Variants in NCAM2 observed in about 807,000 individuals in gnomAD.
NCAM2 encodes the protein N-CAM-2.
NCAM2 carries 30 observed loss-of-function variants against 98.1 expected under a neutral mutation model. The ratio of observed to expected loss-of-function variants is 0.31; its 90% CI spans 0.23 to 0.41. The LOEUF (loss-of-function observed/expected upper bound fraction) is 0.41, where lower values mean the gene tolerates loss of function less well. Among genes scored for constraint, NCAM2 ranks in the 10% least tolerant of loss-of-function variants. The pLI is 1.00. For synonymous variants in NCAM2, 368 were observed against 342.4 expected, an observed-to-expected ratio of 1.07 and a Z score of -0.83; for missense variants, 867 against 1,005.8, an observed-to-expected ratio of 0.86 and a Z score of 1.87.
intron 1 of NCAM2, among the ~76,000 whole-genome samples, chr21:21,138,880 T>C (rs747697990): frequency 6.6e-6 from 1 of 152,294 alleles, no homozygotes; most frequent in Non-Finnish European, 1.5e-5. Context: ...AATGTAGTCA[T>C]TGAAGTAATT....
intron 1 of NCAM2, among the ~76,000 whole-genome samples, chr21:21,063,499 G>T (rs1338892009): frequency 1.3e-5 from 2 of 151,876 alleles, no homozygotes; most frequent in African/African-American, 4.8e-5. Context: ...GGGATTACAG[G>T]CATGAGCCAC....
At chr21:21,110,137 A>G (rs558354250) in intron 1 of NCAM2, among the ~76,000 whole-genome samples, 1 of 152,318 alleles carries the variant, frequency 6.6e-6, no homozygotes, top group East Asian at 1.9e-4. Flanking sequence ...CATTAGGGGA[A>G]CTTACATACA....
chr21:21,067,567 A>G (rs2065466470), intron 1 of NCAM2, among the ~76,000 whole-genome samples: 1 of 152,164 alleles, frequency 6.6e-6, no homozygotes, highest in Non-Finnish European at 1.5e-5. Flanking sequence ...ATATTATGCA[A>G]TACATTCTAT....
intron 1 of NCAM2, among the ~76,000 whole-genome samples, chr21:21,202,884 T>G (rs1033846575): frequency 2.0e-5 from 3 of 152,158 alleles, no homozygotes; most frequent in African/African-American, 7.2e-5. Context: ...ATATTATCAA[T>G]GTAGGATGGA....
At chr21:21,464,983 A>G (rs1232609570) in intron 12 of NCAM2, among the ~76,000 whole-genome samples, 1 of 152,194 alleles carries the variant, frequency 6.6e-6, no homozygotes, top group East Asian at 1.9e-4. Flanking sequence ...GAAATAATGT[A>G]TTATAATCTG....
chr21:21,274,836 G>C (rs367902292), intron 1 of NCAM2, among the ~76,000 whole-genome samples: 2 of 152,144 alleles, frequency 1.3e-5, no homozygotes, highest in Admixed American at 6.5e-5. Flanking sequence ...AACCAAAGCA[G>C]GCTCTGTGTC....
chr21:21,083,231 CTGAA>C (rs1269581172), intron 1 of NCAM2, among the ~76,000 whole-genome samples: 1 of 152,096 alleles, frequency 6.6e-6, no homozygotes. Context: ...GGATAGATGA[CTGAA>C]TGAATGAATA....
At chr21:21,243,594 C>T (rs1386242751) in intron 1 of NCAM2, among the ~76,000 whole-genome samples, 1 of 152,154 alleles carries the variant, frequency 6.6e-6, no homozygotes, top group African/African-American at 2.4e-5. Flanking sequence ...ACACCTGGTT[C>T]TGATAGTTGT....
intron 5 of NCAM2, among the ~76,000 whole-genome samples, chr21:21,297,654 G>A (rs2073536745): frequency 6.6e-6 from 1 of 151,300 alleles, no homozygotes; most frequent in Admixed American, 6.6e-5. Context: ...GATTAATATT[G>A]TCTCTCTTAC....
In NCAM2 at chr21:21,410,469, C is replaced by T. The variant is rs550123991; in HGVS notation, c.1383+8C>T. On this transcript the variant is annotated splice_region_variant and intron_variant, in intron 10 of 17. Transcript: ENST00000400546. ...AGAAAGATGATATTAGAGGTAAGTC[C>T]ACATGTATACATCAATAAATTGTAT... 1.6e-4 allele frequency: 234 copies of T among 1,445,066 alleles called. 2 individuals are homozygous for T. In the South Asian group the frequency reaches 2.8e-3, roughly 17 times the overall value. The allele number at this position is 1,445,066 out of a possible 1,614,324, so 89.5% of individuals were successfully genotyped here. A position where few individuals can be genotyped will look rare whatever the true frequency, so the allele number is the denominator to read the frequency against.
At position 21,294,840 on chromosome 21, in the gene NCAM2, T is replaced by C. The variant is rs191435876; in HGVS notation, c.619+2599T>C. On this transcript the variant is annotated intron_variant, in intron 5 of 17. Coordinates refer to ENST00000400546, the MANE Select transcript of NCAM2 (RefSeq NM_004540.5). ...TTTTTTTTTGAAAGTTTTCCCTTAT[T>C]ATGCCTCTTTTATAAAACTGCTTAA... 2.6e-5 allele frequency among the ~76,000 whole-genome samples: 4 copies of C among 151,786 alleles called. No individual in the cohort carries two copies. In the East Asian group the frequency reaches 7.8e-4, roughly 30 times the overall value.
intron 8 of NCAM2, among the ~76,000 whole-genome samples, chr21:21,370,067 T>A (rs1410935055): frequency 6.6e-6 from 1 of 151,760 alleles, no homozygotes; most frequent in Non-Finnish European, 1.5e-5. Context: ...ACTCCCACAT[T>A]AAATTTTGCA....
At chr21:21,120,026 AG>A (rs1341122182) in intron 1 of NCAM2, among the ~76,000 whole-genome samples, 1 of 152,198 alleles carries the variant, frequency 6.6e-6, no homozygotes, top group Non-Finnish European at 1.5e-5. Flanking sequence ...CTTCTTGTGC[AG>A]TTAGTCATGT....
chr21:21,046,217 T>C (rs575761483), intron 1 of NCAM2, among the ~76,000 whole-genome samples: 2 of 152,338 alleles, frequency 1.3e-5, no homozygotes, highest in East Asian at 3.9e-4. Flanking sequence ...AGCAGGACAC[T>C]GTGAACTTGT....
chr21:21,476,802 C>T (rs1985227096), intron 14 of NCAM2, among the ~76,000 whole-genome samples: 1 of 151,468 alleles, frequency 6.6e-6, no homozygotes, highest in African/African-American at 2.4e-5. Context: ...TAAAAAATAC[C>T]AGTGATAATA....
chr21:21,504,062 A>T (rs942402281), intron 15 of NCAM2, among the ~76,000 whole-genome samples: 1 of 151,954 alleles, frequency 6.6e-6, no homozygotes, highest in African/African-American at 2.4e-5. Flanking sequence ...TTTTTCTATA[A>T]GAATAATACA....
intron 1 of NCAM2, among the ~76,000 whole-genome samples, chr21:21,229,684 A>G (rs1467612849): frequency 1.3e-5 from 2 of 151,414 alleles, no homozygotes; most frequent in Non-Finnish European, 1.5e-5. Context: ...CATTCTGCCT[A>G]TGAATCCCTT....
chr21:21,248,854 T>C (rs911951611), intron 1 of NCAM2, among the ~76,000 whole-genome samples: 7 of 146,330 alleles, frequency 4.8e-5, no homozygotes, highest in African/African-American at 1.8e-4. Flanking sequence ...AGTGCTTTGC[T>C]CTCACATTAA....
chr21:21,090,003 A>G (rs2065980378), intron 1 of NCAM2, among the ~76,000 whole-genome samples: 1 of 152,140 alleles, frequency 6.6e-6, no homozygotes, highest in Non-Finnish European at 1.5e-5. Context: ...GGATGCAAGG[A>G]CTGGGGGTGG....
Sources: allele counts gnomAD v4.1 joint callset (sites outside exome capture counted in the v4.1 genomes callset), GRCh38; gene constraint gnomAD v4.1.1; transcripts MANE v1.5; gene names NCBI Gene and HGNC (gene_info 2026-07-23, HGNC 2026-07-21).